FRMPD4: variants seen among roughly 807,000 people sequenced by gnomAD.
FRMPD4 encodes FERM and PDZ domain-containing protein 4.
Under a neutral mutation model 94.1 loss-of-function variants are expected in FRMPD4, and 22 were observed. The ratio of observed to expected loss-of-function variants is 0.23; its 90% CI spans 0.17 to 0.33. The LOEUF is 0.33. Among genes scored for constraint, FRMPD4 ranks in the 10% least tolerant of loss-of-function variants. The probability of loss-of-function intolerance (pLI) is 1.00; values close to 1 mark genes in which losing one functional copy is unlikely to be tolerated. For synonymous variants in FRMPD4, 631 were observed against 548.6 expected (o/e 1.15, Z -2.10); for missense variants, 1,111 against 1,339.9 (o/e 0.83, Z 2.67).
At chrX:12,054,434 T>A (rs1460360101) in intron 3 of FRMPD4, among the ~76,000 whole-genome samples, 2 of 111,271 alleles carry the variant, frequency 1.8e-5, no homozygotes, top group Non-Finnish European at 1.9e-5. Context: ...GGTGTTTGAG[T>A]CATCATGGCA....
At chrX:11,854,014 A>C (rs2053640317) in intron 1 of FRMPD4, among the ~76,000 whole-genome samples, 1 of 112,149 alleles carries the variant, frequency 8.9e-6, no homozygotes, top group South Asian at 3.7e-4. Context: ...GAGACCAGGT[A>C]ATTTATAAAG....
At chrX:12,108,976 A>G (rs1367522883) in intron 3 of FRMPD4, among the ~76,000 whole-genome samples, 4 of 111,676 alleles carry the variant, frequency 3.6e-5, no homozygotes, top group African/African-American at 1.3e-4. Flanking sequence ...CAATAGTGGG[A>G]GACCTTAACA....
At chrX:12,083,473 A>G (rs1259273692) in intron 3 of FRMPD4, among the ~76,000 whole-genome samples, 5 of 113,066 alleles carry the variant, frequency 4.4e-5, no homozygotes, top group Admixed American at 3.7e-4. Context: ...AACATCTGCT[A>G]GGGCAGTGTG....
chrX:12,457,167 T>G (rs1348460112), intron 1 of FRMPD4, among the ~76,000 whole-genome samples: 2 of 112,043 alleles, frequency 1.8e-5, no homozygotes, highest in Non-Finnish European at 3.8e-5. Flanking sequence ...AAAACAAATG[T>G]GTTCTGTTTG....
intron 1 of FRMPD4, among the ~76,000 whole-genome samples, chrX:12,177,400 C>T (rs1182240342): frequency 2.7e-5 from 3 of 111,969 alleles, no homozygotes; most frequent in African/African-American, 9.7e-5. Flanking sequence ...TAGAAAAATG[C>T]AAGAGATAAT....
chrX:12,536,979 G>C (rs2058345865), intron 2 of FRMPD4, among the ~76,000 whole-genome samples: 1 of 111,541 alleles, frequency 9.0e-6, no homozygotes, highest in African/African-American at 3.3e-5. Context: ...TATTTATCTA[G>C]ATTACTGAGC....
chrX:12,097,146 T>C (rs1472445180), intron 3 of FRMPD4, among the ~76,000 whole-genome samples: 1 of 112,225 alleles, frequency 8.9e-6, no homozygotes, highest in Non-Finnish European at 1.9e-5. Context: ...GTGATTCTAT[T>C]ACATATCATA....
chrX:12,629,511 T>C (rs2059376774), intron 4 of FRMPD4, among the ~76,000 whole-genome samples: 1 of 112,437 alleles, frequency 8.9e-6, no homozygotes, highest in Non-Finnish European at 1.9e-5. Flanking sequence ...CTCAGTTTCC[T>C]CACCTATAAC....
chrX:12,633,575 A>G (rs1271633219), intron 4 of FRMPD4, among the ~76,000 whole-genome samples: 2 of 112,522 alleles, frequency 1.8e-5, no homozygotes, highest in East Asian at 5.6e-4. Flanking sequence ...GTAGAGATAC[A>G]TTATTTAGAA....
At chrX:12,131,695 T>C (rs1315674463) in intron 3 of FRMPD4, among the ~76,000 whole-genome samples, 1 of 112,023 alleles carries the variant, frequency 8.9e-6, no homozygotes, top group Non-Finnish European at 1.9e-5. Context: ...CAAATCTATA[T>C]TCAAAAGTTC....
At chrX:11,859,981 T>C (rs2053676608) in intron 1 of FRMPD4, among the ~76,000 whole-genome samples, 2 of 112,027 alleles carry the variant, frequency 1.8e-5, no homozygotes, top group Non-Finnish European at 3.8e-5. Flanking sequence ...TACTGGAGGA[T>C]CCAGACTGTC....
intron 1 of FRMPD4, among the ~76,000 whole-genome samples, chrX:12,218,829 C>T (rs1371259920): frequency 8.9e-6 from 1 of 112,390 alleles, no homozygotes; most frequent in East Asian, 2.8e-4. Context: ...TGTATGATCC[C>T]TCCCTACTTT....
At chrX:12,183,297 C>T (rs1310195919) in intron 1 of FRMPD4, among the ~76,000 whole-genome samples, 2 of 111,239 alleles carry the variant, frequency 1.8e-5, no homozygotes, top group African/African-American at 6.5e-5. Flanking sequence ...GTTATCAATG[C>T]ATAATATGCT....
At chrX:12,138,104 C>T (rs2087476549), upstream of FRMPD4, among the ~76,000 whole-genome samples, 1 of 112,346 alleles carries the variant, frequency 8.9e-6, no homozygotes, top group Non-Finnish European at 1.9e-5. Flanking sequence ...GTGGTCACGT[C>T]TCGCCCCAGC....
chrX:12,578,611 C>T (rs2058834766), intron 2 of FRMPD4, among the ~76,000 whole-genome samples: 1 of 111,709 alleles, frequency 9.0e-6, no homozygotes, highest in Admixed American at 9.5e-5. Context: ...TGTTTTCGAA[C>T]CCTTTTTTAT....
At chrX:11,858,150 C>T (rs775573963) in intron 1 of FRMPD4, among the ~76,000 whole-genome samples, 3 of 111,658 alleles carry the variant, frequency 2.7e-5, no homozygotes, top group Non-Finnish European at 3.8e-5. Flanking sequence ...GTGGTGATTG[C>T]TCAAAGACCT....
chrX:12,352,377 GT>G (rs1005781229), intron 1 of FRMPD4, among the ~76,000 whole-genome samples: 18 of 112,173 alleles, frequency 1.6e-4, no homozygotes, highest in African/African-American at 5.8e-4. Flanking sequence ...CGACTCACAT[GT>G]TTTGCTTGAT....
intron 1 of FRMPD4, among the ~76,000 whole-genome samples, chrX:12,276,327 T>C (rs886203587): frequency 3.6e-5 from 4 of 111,939 alleles, no homozygotes; most frequent in African/African-American, 9.8e-5. Context: ...GTGCCCGAGG[T>C]AGTCAGGCCA....
At chrX:12,056,217 A>G (rs2054853295) in intron 3 of FRMPD4, among the ~76,000 whole-genome samples, 1 of 112,072 alleles carries the variant, frequency 8.9e-6, no homozygotes, top group African/African-American at 3.2e-5. Context: ...ATAGGAGAAA[A>G]GGCATACAAA....
Sources: allele counts gnomAD v4.1 joint callset (sites outside exome capture counted in the v4.1 genomes callset), GRCh38; gene constraint gnomAD v4.1.1; transcripts MANE v1.5; gene names NCBI Gene and HGNC (gene_info 2026-07-23, HGNC 2026-07-21).